Variants in TNNI3K observed in about 807,000 individuals in gnomAD.
The protein encoded by TNNI3K is serine/threonine-protein kinase TNNI3K.
Under a neutral mutation model 114.5 loss-of-function variants are expected in TNNI3K, and 140 were observed. The observed-to-expected ratio is 1.22, with a 90% confidence interval of 1.07 to 1.41. The LOEUF is 1.41. TNNI3K is among the 40% of genes most tolerant of loss of function. TNNI3K has a pLI of 0.00. For missense variants in TNNI3K, 1,125 were observed against 1,007.6 expected, an observed-to-expected ratio of 1.12 and a Z score of -1.58; for synonymous variants, 347 against 347.5, an observed-to-expected ratio of 1.00 and a Z score of 0.02.
chr1:74,260,480 T>A (rs1412188668), intron 4 of TNNI3K, among the ~76,000 whole-genome samples: 1 of 152,174 alleles, frequency 6.6e-6, no homozygotes, highest in Non-Finnish European at 1.5e-5. Context: ...TGAGTTTTCC[T>A]TATGCTCCTC....
intron 23 of TNNI3K, among the ~76,000 whole-genome samples, chr1:74,534,636 T>G (rs1200939289): frequency 2.0e-5 from 3 of 152,214 alleles, no homozygotes; most frequent in Non-Finnish European, 4.4e-5. Flanking sequence ...TTCTTGGGAC[T>G]TGCTTAACAA....
intron 17 of TNNI3K, among the ~76,000 whole-genome samples, chr1:74,424,718 C>CAAAA (rs71588833): frequency 7.0e-5 from 8 of 113,622 alleles, no homozygotes; most frequent in East Asian, 5.1e-4. Context: ...GAGTCCATCT[C>CAAAA]AAAAAAAAAA....
Position 74,485,034 on chromosome 1 carries a change from G to C in TNNI3K, c.2122-4155G>C, listed in dbSNP as rs78483901. Among the ~76,000 whole-genome samples, 132 of 152,268 alleles carry C rather than the reference G, an allele frequency of 8.7e-4. 1 individual carries two copies. The highest frequency in any genetic ancestry group is 3.0e-3 in the African/African-American group (126 of 41,554). ...ATGCAATTTAATTTAACAAATTTGA[G>C]CTCATTTAACCTGTCTGATGGAATG... is the stretch of plus-strand genomic sequence containing the variant. On this transcript the variant is annotated intron_variant, in intron 21 of 24. Coordinates refer to ENST00000326637, the MANE Select transcript of TNNI3K (RefSeq NM_015978.3).
At chr1:74,483,775 T>C (rs1343825768) in intron 21 of TNNI3K, among the ~76,000 whole-genome samples, 1 of 152,150 alleles carries the variant, frequency 6.6e-6, no homozygotes, top group African/African-American at 2.4e-5. Flanking sequence ...CGGGTAGGTA[T>C]TTAACCAAGT....
At chr1:74,453,850 G>T (rs1418483877) in intron 20 of TNNI3K, among the ~76,000 whole-genome samples, 1 of 152,134 alleles carries the variant, frequency 6.6e-6, no homozygotes, top group Non-Finnish European at 1.5e-5. Context: ...CGCTGAGCAG[G>T]AACGTAGGTA....
intron 17 of TNNI3K, among the ~76,000 whole-genome samples, chr1:74,395,183 G>T (rs1333665124): frequency 6.6e-6 from 1 of 152,168 alleles, no homozygotes; most frequent in East Asian, 1.9e-4. Context: ...TAAATTGCTT[G>T]TTGTAACCAT....
intron 15 of TNNI3K, 54 bp from the exon 16 acceptor site, chr1:74,369,337 C>T (rs528001499): frequency 1.3e-5 from 21 of 1,606,332 alleles, no homozygotes; most frequent in Admixed American, 3.4e-5. Flanking sequence ...CATGGCAAGC[C>T]CCTTGTTTGG....
intron 2 of TNNI3K, among the ~76,000 whole-genome samples, chr1:74,244,676 A>T (rs537874936): frequency 2.1e-4 from 31 of 149,388 alleles, no homozygotes; most frequent in African/African-American, 7.4e-4. Flanking sequence ...AGGATCCGGG[A>T]TTTAGTGAGT....
At chr1:74,452,208 T>G (rs1667056401) in intron 20 of TNNI3K, among the ~76,000 whole-genome samples, 1 of 152,170 alleles carries the variant, frequency 6.6e-6, no homozygotes, top group South Asian at 2.1e-4. Context: ...TTCTGTTTCC[T>G]CAGTAAATGC....
intron 17 of TNNI3K, among the ~76,000 whole-genome samples, chr1:74,429,168 G>T (rs919464010): frequency 6.6e-6 from 1 of 151,954 alleles, no homozygotes; most frequent in South Asian, 2.1e-4. Context: ...TCAAAACCAG[G>T]ACCTCCAGCA....
At chr1:74,431,883 T>C (rs552701344) in intron 17 of TNNI3K, among the ~76,000 whole-genome samples, 3 of 152,240 alleles carry the variant, frequency 2.0e-5, no homozygotes, top group Admixed American at 2.0e-4. Flanking sequence ...CTTATTTAGA[T>C]GAAATCAAAA....
chr1:74,538,995 G>T (rs1403243824), intron 23 of TNNI3K, among the ~76,000 whole-genome samples: 1 of 152,056 alleles, frequency 6.6e-6, no homozygotes, highest in Non-Finnish European at 1.5e-5. Context: ...GTAGGTGAAT[G>T]ATGTAATCTG....
At chr1:74,454,798 T>G (rs141742718) in intron 20 of TNNI3K, among the ~76,000 whole-genome samples, 352 of 152,262 alleles carry the variant, frequency 2.3e-3, no homozygotes, top group African/African-American at 8.1e-3. Context: ...CTCCATGCTG[T>G]TCTCCATCTC....
At chr1:74,483,573 A>C (rs1668605525) in intron 21 of TNNI3K, among the ~76,000 whole-genome samples, 1 of 152,224 alleles carries the variant, frequency 6.6e-6, no homozygotes, top group African/African-American at 2.4e-5. Flanking sequence ...GCATTTGACT[A>C]TAAATTCAGA....
At chr1:74,381,487 T>C (rs759780003) in intron 17 of TNNI3K, among the ~76,000 whole-genome samples, 1 of 152,186 alleles carries the variant, frequency 6.6e-6, no homozygotes, top group East Asian at 1.9e-4. Context: ...TTTCTAATGA[T>C]CTAGCTCTCC....
At chr1:74,266,424 G>A (rs1655992719) in intron 4 of TNNI3K, among the ~76,000 whole-genome samples, 1 of 151,920 alleles carries the variant, frequency 6.6e-6, no homozygotes, top group Non-Finnish European at 1.5e-5. Flanking sequence ...GGTCTTCTAT[G>A]TCCTAGCCTT....
At chr1:74,475,116 CCACA>C (rs3058791) in intron 21 of TNNI3K, among the ~76,000 whole-genome samples, 2,530 of 135,940 alleles carry the variant, frequency 0.019, 32 homozygotes, top group Admixed American at 0.046. Flanking sequence ...CCACCTCAGC[CCACA>C]CACACACACA....
intron 22 of TNNI3K, 53 bp downstream of exon 22, chr1:74,489,301 G>A: frequency 1.3e-6 from 2 of 1,570,308 alleles, no homozygotes; most frequent in Non-Finnish European, 1.7e-6. Context: ...GCATATCCAA[G>A]GCTGTCAGGG....
intron 21 of TNNI3K, chr1:74,470,324 T>C (rs1667860948): frequency 2.5e-6 from 1 of 400,600 alleles, no homozygotes; most frequent in Non-Finnish European, 4.4e-6. Context: ...ATTTGTGAGA[T>C]CTGAGTTAAC....
Sources: allele counts gnomAD v4.1 joint callset (sites outside exome capture counted in the v4.1 genomes callset), GRCh38; gene constraint gnomAD v4.1.1; transcripts MANE v1.5; gene names NCBI Gene and HGNC (gene_info 2026-07-23, HGNC 2026-07-21).